The following NKD1 variants were observed in gnomAD, a reference collection of about 807,000 sequenced individuals.
The protein encoded by NKD1 is NKD inhibitor of Wnt signaling pathway 1.
A neutral mutation model predicts 56.0 loss-of-function variants in NKD1; 21 were observed. The observed-to-expected ratio is 0.38, with a 90% CI of 0.27 to 0.54. The LOEUF (loss-of-function observed/expected upper bound fraction) is 0.54, where lower values mean the gene tolerates loss of function less well. NKD1 is among the 20% of genes least tolerant of loss of function. The pLI is 0.82. For missense variants in NKD1, 578 were observed against 642.7 expected (o/e 0.90, Z 1.09); for synonymous variants, 263 against 265.7 (o/e 0.99, Z 0.10).
At chr16:50,585,764 A>C (rs946504652) in intron 3 of NKD1, among the ~76,000 whole-genome samples, 5 of 152,196 alleles carry the variant, frequency 3.3e-5, no homozygotes, top group African/African-American at 1.2e-4. Flanking sequence ...GTTTGGTAAT[A>C]GTAATAACTG....
At chr16:50,629,678 C>T (rs1387375911) in intron 6 of NKD1, among the ~76,000 whole-genome samples, 2 of 152,098 alleles carry the variant, frequency 1.3e-5, no homozygotes, top group African/African-American at 4.8e-5. Context: ...GCTGGAGGAT[C>T]GCTTGGGACT....
chr16:50,609,058 C>T (rs949560939), intron 4 of NKD1, among the ~76,000 whole-genome samples: 2 of 152,236 alleles, frequency 1.3e-5, no homozygotes, highest in African/African-American at 2.4e-5. Context: ...CTTCTGGCCT[C>T]GAGTGACCTT....
At position 50,598,888 on chromosome 16, in the gene NKD1, T is replaced by A. The variant is rs1453231137; in HGVS notation, c.193-9406T>A. On this transcript the variant is annotated intron_variant, in intron 3 of 9. Coordinates refer to ENST00000268459, the MANE Select transcript of NKD1 (RefSeq NM_033119.5). The surrounding 1 kb of genome is among the most constrained non-coding windows in gnomAD (Gnocchi z 4.2). Reference sequence around the variant, plus strand: ...GCGGGCAGTGGTGGGGCAGGATCAGTGGTGTGGTGGGGTCAGTGGTGTGGT... The same window carrying A: ...GCGGGCAGTGGTGGGGCAGGATCAGAGGTGTGGTGGGGTCAGTGGTGTGGT... 6.7e-6 allele frequency among the ~76,000 whole-genome samples: 1 copy of A among 149,440 alleles called. No homozygotes were observed. The highest frequency in any genetic ancestry group is 1.5e-5 in the Non-Finnish European group (1 of 67,266).
intron 3 of NKD1, chr16:50,570,713 C>A: frequency 2.1e-6 from 1 of 487,122 alleles, no homozygotes; most frequent in Non-Finnish European, 2.7e-6. Context: ...TATTCACGTG[C>A]TATGTGACAA....
chr16:50,598,262 T>TGTGTGTGTGTGTGTGTGTGTGTGTGCGC lies in NKD1; in HGVS notation c.193-10031_193-10030insTGTGTGTGTGTGTGTGTGTGTGTGCGCG, dbSNP rs138964473. Among the ~76,000 whole-genome samples, 183 of 148,606 alleles carry TGTGTGTGTGTGTGTGTGTGTGTGTGCGC rather than the reference T, an allele frequency of 1.2e-3. 1 individual carries two copies. The highest frequency in any genetic ancestry group is 4.2e-3 in the African/African-American group (163 of 39,102). The stretch of plus-strand genomic sequence containing the variant: ...GTGTGTGTGTGTGTGTGTGTGTGTG[T>TGTGTGTGTGTGTGTGTGTGTGTGTGCGC]GCGCGCACACCTGTGCTCATGGACA... On this transcript the variant is annotated intron_variant, in intron 3 of 9. Transcript: ENST00000268459. The surrounding 1 kb of genome is among the most constrained non-coding windows in gnomAD (Gnocchi z 4.2).
chr16:50,549,461 G>T lies in NKD1; in HGVS notation c.98G>T (p.Gly33Val), dbSNP rs1290165725. The T allele has an allele frequency of 6.2e-7, 1 of 1,611,254 alleles. No homozygotes were observed. Among genetic ancestry groups the T allele is most frequent in the African/African-American group, 1.3e-5 (1 of 74,714 alleles). ...FAVSAAWARK[G>V]IEEWIGRQRC... ...GTGAGCGCTGCCTGGGCTCGGAAGG[G>T]CATCGAGGAGTGGATCGGGAGACAG... The change falls in exon 3 of 10, where the codon GGC becomes GTC. Residue 33 changes from glycine (G) to valine (V), a missense_variant. Physicochemically the swap from Gly to Val is moderately radical, Grantham distance 109 (BLOSUM62 -3). Transcript: ENST00000268459.
At chr16:50,577,700 C>T (rs1961021573) in intron 3 of NKD1, among the ~76,000 whole-genome samples, 1 of 152,220 alleles carries the variant, frequency 6.6e-6, no homozygotes, top group Non-Finnish European at 1.5e-5. Context: ...AACCACCGTT[C>T]CACTCTGCTT....
chr16:50,601,460 T>C (rs1961595043), intron 3 of NKD1, among the ~76,000 whole-genome samples: 1 of 152,214 alleles, frequency 6.6e-6, no homozygotes, highest in South Asian at 2.1e-4. Flanking sequence ...TACCAGGCGC[T>C]GTTTGAGGGC....
At chr16:50,549,702 C>T in intron 3 of NKD1, 147 bp downstream of exon 3, 1 of 839,990 alleles carries the variant, frequency 1.2e-6, no homozygotes, top group Non-Finnish European at 1.7e-6. Context: ...GCCCCACCAA[C>T]GCGACCCTCT....
At chr16:50,556,997 G>A (rs1440986313) in intron 3 of NKD1, 4 of 152,194 alleles carry the variant, frequency 2.6e-5, no homozygotes, top group Non-Finnish European at 5.9e-5. Flanking sequence ...AATAAGCACA[G>A]TACCCAACAG....
At chr16:50,564,507 A>C (rs1038157171) in intron 3 of NKD1, among the ~76,000 whole-genome samples, 1 of 152,166 alleles carries the variant, frequency 6.6e-6, no homozygotes, top group Non-Finnish European at 1.5e-5. Context: ...CAAAATTATT[A>C]TTATGGGGAA....
In NKD1 at chr16:50,600,667, A is replaced by G. The variant is rs532610484; in HGVS notation, c.193-7627A>G. 3.7e-3 allele frequency among the ~76,000 whole-genome samples: 560 copies of G among 152,356 alleles called. 3 individuals carry two copies. Among genetic ancestry groups the G allele is most frequent in the Non-Finnish European group, 5.5e-3 (373 of 68,036 alleles). On this transcript the variant is annotated intron_variant, in intron 3 of 9. Transcript: ENST00000268459. ...CTGCGACTTGCTGGTGTGACAGCCC[A>G]GGAAGTGGCCTTTGCTGGCCCTTTG...
intron 4 of NKD1, among the ~76,000 whole-genome samples, chr16:50,617,381 C>T (rs1215290788): frequency 6.6e-6 from 1 of 152,164 alleles, no homozygotes; most frequent in Non-Finnish European, 1.5e-5. Context: ...TTGGCTAACA[C>T]AACAAACAGT....
Position 50,549,462 on chromosome 16 carries a change from C to G in NKD1, c.99C>G (p.Gly33=). Residue 33 remains glycine (G), a synonymous_variant, in exon 3 of 10, where the codon GGC becomes GGG. Transcript: ENST00000268459. Reference sequence around the variant, plus strand: ...TGAGCGCTGCCTGGGCTCGGAAGGGCATCGAGGAGTGGATCGGGAGACAGC... The same window carrying G: ...TGAGCGCTGCCTGGGCTCGGAAGGGGATCGAGGAGTGGATCGGGAGACAGC... ...FAVSAAWARK[G]IEEWIGRQRC... The G allele has an allele frequency of 2.5e-6, 4 of 1,611,340 alleles. No homozygotes were observed. The highest frequency in any genetic ancestry group is 3.4e-6 in the Non-Finnish European group (4 of 1,178,978).
rs74017753 is a variant in NKD1, at chr16:50,632,970, G to A, written c.824-222G>A. On this transcript the variant is annotated intron_variant, in intron 9 of 9. Transcript: ENST00000268459. This position sits in a 1 kb window ranked among gnomAD's most constrained non-coding sequence, Gnocchi z 4.1. ...CATCTGTCTTTCTCGGCTCCCTCTCGGAGAGTATTTTTGAAGACCTACCAA... is the reference window on the plus strand; with the variant it reads ...CATCTGTCTTTCTCGGCTCCCTCTCAGAGAGTATTTTTGAAGACCTACCAA... 0.023 allele frequency among the ~76,000 whole-genome samples: 3,522 copies of A among 152,086 alleles called. 153 individuals are homozygous for A. Among genetic ancestry groups the A allele is most frequent in the African/African-American group, 0.08 (3,315 of 41,428 alleles).
At position 50,623,895 on chromosome 16, in the gene NKD1, A is replaced by C. The variant is rs1423818943; in HGVS notation, c.367-1590A>C. 6.6e-6 allele frequency among the ~76,000 whole-genome samples: 1 copy of C among 151,968 alleles called. No homozygotes were observed. The highest frequency in any genetic ancestry group is 1.5e-5 in the Non-Finnish European group (1 of 67,976). On this transcript the variant is annotated intron_variant, in intron 5 of 9. Transcript: ENST00000268459. This position sits in a 1 kb window ranked among gnomAD's most constrained non-coding sequence, Gnocchi z 4.1. ...GGGTATGTATGTAGGCACGTGTGTC[A>C]TGCCACATGAACAGTGCCTCAGAGA...
rs920006196 is a variant in NKD1 at position 50,598,578 on chromosome 16, C to T, written c.193-9716C>T. Among the ~76,000 whole-genome samples the T allele has an allele frequency of 3.3e-5, 5 of 152,180 alleles. No individual in the cohort carries two copies. Among genetic ancestry groups the T allele is most frequent in the African/African-American group, 9.6e-5 (4 of 41,460 alleles). ...AGGGCCACCCTGTCGGCAGGTCACA[C>T]GTGCTAGACCCTGGCAGCAGACCGG... On this transcript the variant is annotated intron_variant, in intron 3 of 9. Transcript: ENST00000268459. The surrounding 1 kb of genome is among the most constrained non-coding windows in gnomAD (Gnocchi z 4.2).
At position 50,636,256 on chromosome 16, in the gene NKD1, C is replaced by T. The variant is rs1389962558; in HGVS notation, c.*2475C>T. On this transcript the variant is annotated 3_prime_UTR_variant, in exon 10 of 10. Coordinates refer to ENST00000268459, the MANE Select transcript of NKD1 (RefSeq NM_033119.5). Reference sequence around the variant, plus strand: ...ATCCCAGGCCCCGAATTGCTGCAACCCTGGAGGCCAGCCCGGAGTTGAGAC... The same window carrying T: ...ATCCCAGGCCCCGAATTGCTGCAACTCTGGAGGCCAGCCCGGAGTTGAGAC... The T allele has an allele frequency of 6.6e-6, 1 of 152,158 alleles. No individual in the cohort carries two copies. Among genetic ancestry groups the T allele is most frequent in the Non-Finnish European group, 1.5e-5 (1 of 68,064 alleles). 9.4% of individuals were successfully genotyped at this position (152,158 alleles called of 1,614,324 possible).
chr16:50,627,728 C>A (rs1362341900), intron 6 of NKD1, among the ~76,000 whole-genome samples: 3 of 152,214 alleles, frequency 2.0e-5, no homozygotes, highest in African/African-American at 7.2e-5. Flanking sequence ...AAATACTGAG[C>A]ACACCGATTC....
Sources: allele counts gnomAD v4.1 joint callset (sites outside exome capture counted in the v4.1 genomes callset), GRCh38; gene constraint gnomAD v4.1.1; non-coding constraint Gnocchi (gnomAD v3.1); transcripts MANE v1.5; gene names NCBI Gene and HGNC (gene_info 2026-07-23, HGNC 2026-07-21).